CCR5AS: variants seen among roughly 807,000 people sequenced by gnomAD.
The protein encoded by CCR5AS is CCR5 antisense RNA.
intron 2 of CCR5AS, chr3:46,373,902 C>T (rs147879075): frequency 7.5e-6 from 12 of 1,607,754 alleles, no homozygotes; most frequent in African/African-American, 1.3e-5. Context: ...GGCTCCCGAG[C>T]GAGCAAGCTC....
chr3:46,381,292 A>T (rs1477125712), intron 2 of CCR5AS, among the ~76,000 whole-genome samples: 2 of 152,126 alleles, frequency 1.3e-5, no homozygotes, highest in Non-Finnish European at 2.9e-5. Flanking sequence ...CCATTTCCTT[A>T]TCCCTGCAGT....
intron 1 of CCR5AS, among the ~76,000 whole-genome samples, chr3:46,401,261 C>G (rs771874435): frequency 1.3e-5 from 2 of 152,136 alleles, no homozygotes; most frequent in Middle Eastern, 3.2e-3. Context: ...AGAAAGGGAT[C>G]GAAATGCTGC....
At chr3:46,378,909 C>G (rs749573960) in intron 2 of CCR5AS, among the ~76,000 whole-genome samples, 1 of 151,942 alleles carries the variant, frequency 6.6e-6, no homozygotes. Context: ...CTTCAAGCTC[C>G]TCCCTTGTTT....
intron 2 of CCR5AS, among the ~76,000 whole-genome samples, chr3:46,386,038 A>C (rs542939547): frequency 4.8e-4 from 73 of 152,014 alleles, no homozygotes; most frequent in African/African-American, 1.6e-3. Flanking sequence ...CAGCCCCCCA[A>C]GTAGCTGGGA....
At chr3:46,384,420 G>A (rs892526054) in intron 2 of CCR5AS, among the ~76,000 whole-genome samples, 1 of 152,230 alleles carries the variant, frequency 6.6e-6, no homozygotes, top group Non-Finnish European at 1.5e-5. Context: ...TGGCACAGCT[G>A]CCGGCATTCA....
intron 3 of CCR5AS, among the ~76,000 whole-genome samples, chr3:46,370,324 G>A (rs1178248460): frequency 1.3e-5 from 2 of 148,812 alleles, no homozygotes; most frequent in Non-Finnish European, 3.0e-5. Context: ...TGAGCCCATA[G>A]TTAAAACTCT....
intron 3 of CCR5AS, among the ~76,000 whole-genome samples, chr3:46,370,040 T>A (rs1701640983): frequency 6.6e-6 from 1 of 152,190 alleles, no homozygotes; most frequent in Non-Finnish European, 1.5e-5. Flanking sequence ...GATTTTCAGA[T>A]GTCACCAACC....
At chr3:46,384,202 A>T (rs888675061) in intron 2 of CCR5AS, among the ~76,000 whole-genome samples, 1 of 152,220 alleles carries the variant, frequency 6.6e-6, no homozygotes, top group African/African-American at 2.4e-5. Flanking sequence ...TTTACTTAGG[A>T]CCCGAGAGAT....
intron 2 of CCR5AS, among the ~76,000 whole-genome samples, chr3:46,384,300 C>A (rs1701839852): frequency 6.6e-6 from 1 of 152,206 alleles, no homozygotes; most frequent in African/African-American, 2.4e-5. Flanking sequence ...GGGTCTATAC[C>A]TGGCTGGTGC....
intron 2 of CCR5AS, among the ~76,000 whole-genome samples, chr3:46,376,714 T>C (rs1701763036): frequency 6.6e-6 from 1 of 152,142 alleles, no homozygotes; most frequent in African/African-American, 2.4e-5. Context: ...GTCATGACAA[T>C]CATGTACATT....
intron 1 of CCR5AS, among the ~76,000 whole-genome samples, chr3:46,394,148 G>C (rs1005496875): frequency 6.6e-5 from 10 of 152,204 alleles, no homozygotes; most frequent in Non-Finnish European, 1.5e-4. Flanking sequence ...AGTTGTCCCA[G>C]CTGAGGGCAC....
chr3:46,381,921 G>T (rs1701820711), intron 2 of CCR5AS, among the ~76,000 whole-genome samples: 1 of 152,230 alleles, frequency 6.6e-6, no homozygotes, highest in Non-Finnish European at 1.5e-5. Context: ...GTAATTTGGG[G>T]TGTTACTGAT....
intron 1 of CCR5AS, among the ~76,000 whole-genome samples, chr3:46,402,901 T>C (rs896451515): frequency 1.3e-5 from 2 of 152,196 alleles, no homozygotes; most frequent in African/African-American, 2.4e-5. Flanking sequence ...CGCCCTCCAG[T>C]CTCAAGTAGA....
chr3:46,393,496 G>GAAAAAAAAAGAAAAAAAAAA (rs1701933778), intron 1 of CCR5AS, among the ~76,000 whole-genome samples: 1 of 139,044 alleles, frequency 7.2e-6, no homozygotes, highest in African/African-American at 2.8e-5. Context: ...GAAAAAAAAA[G>GAAAAAAAAAGAAAAAAAAAA]AAGAAGAAAA....
chr3:46,381,428 T>A (rs1188559872), intron 2 of CCR5AS, among the ~76,000 whole-genome samples: 1 of 152,186 alleles, frequency 6.6e-6, no homozygotes, highest in South Asian at 2.1e-4. Context: ...TGTCAACTCT[T>A]ATACATCCTG....
At chr3:46,403,101 A>G (rs940213759) in intron 1 of CCR5AS, among the ~76,000 whole-genome samples, 1 of 152,230 alleles carries the variant, frequency 6.6e-6, no homozygotes, top group Admixed American at 6.5e-5. Flanking sequence ...ATAGTATTCC[A>G]TGGTGTATAT....
At chr3:46,376,657 C>T (rs1322817459) in intron 2 of CCR5AS, among the ~76,000 whole-genome samples, 2 of 152,184 alleles carry the variant, frequency 1.3e-5, no homozygotes, top group Admixed American at 6.5e-5. Flanking sequence ...AATGAGGATG[C>T]TTTTCTTTCA....
At chr3:46,395,009 G>A (rs1348774075) in intron 1 of CCR5AS, among the ~76,000 whole-genome samples, 3 of 152,122 alleles carry the variant, frequency 2.0e-5, no homozygotes, top group Admixed American at 2.0e-4. Flanking sequence ...AGGCAAGAAT[G>A]GAGGAGAGCC....
At chr3:46,386,025 C>T (rs904166294) in intron 2 of CCR5AS, among the ~76,000 whole-genome samples, 2 of 152,148 alleles carry the variant, frequency 1.3e-5, no homozygotes, top group African/African-American at 4.8e-5. Flanking sequence ...AATCCTCCAA[C>T]CTCAGCCCCC....
Sources: allele counts gnomAD v4.1 joint callset (sites outside exome capture counted in the v4.1 genomes callset), GRCh38; gene constraint gnomAD v4.1.1; transcripts MANE v1.5; gene names NCBI Gene and HGNC (gene_info 2026-07-23, HGNC 2026-07-21).